PDE10A: variants seen among roughly 807,000 people sequenced by gnomAD.
PDE10A encodes the protein phosphodiesterase 10A.
In PDE10A, 39 loss-of-function variants were observed where a neutral mutation model predicts 97.7. The ratio of observed to expected loss-of-function variants is 0.40; its 90% confidence interval spans 0.31 to 0.52. The LOEUF (loss-of-function observed/expected upper bound fraction) is 0.52, where lower values mean the gene tolerates loss of function less well. Ranked by LOEUF, PDE10A falls within the 20% of genes least tolerant of loss-of-function variation. The pLI is 0.56. For missense variants in PDE10A, 731 were observed against 1,047.8 expected (o/e 0.70, Z 4.17); for synonymous variants, 371 against 376.8 (o/e 0.98, Z 0.18).
intron 2 of PDE10A, among the ~76,000 whole-genome samples, chr6:165,487,059 C>T (rs995473390): frequency 1.3e-5 from 2 of 152,204 alleles, no homozygotes; most frequent in African/African-American, 2.4e-5. Context: ...GGATCCGCGA[C>T]GCATTTGTGA....
At chr6:165,457,179 C>T (rs1157302725) in intron 3 of PDE10A, among the ~76,000 whole-genome samples, 1 of 152,094 alleles carries the variant, frequency 6.6e-6, no homozygotes, top group Non-Finnish European at 1.5e-5. Flanking sequence ...TGACTAATAA[C>T]AATTACAATA....
chr6:165,558,575 C>A (rs9365894), intron 1 of PDE10A, among the ~76,000 whole-genome samples: 18,270 of 152,096 alleles, frequency 0.12, 2,172 homozygotes, highest in East Asian at 0.33. Flanking sequence ...TTTCTTTGCT[C>A]GCAAATATAC....
intron 1 of PDE10A, among the ~76,000 whole-genome samples, chr6:165,595,091 C>T (rs1485166057): frequency 2.0e-5 from 3 of 152,176 alleles, no homozygotes; most frequent in Admixed American, 6.5e-5. Context: ...ACTGCAGGAG[C>T]CTGGCAATCC....
At chr6:165,891,533 G>T (rs532273201) in intron 1 of PDE10A, among the ~76,000 whole-genome samples, 1 of 152,176 alleles carries the variant, frequency 6.6e-6, no homozygotes, top group South Asian at 2.1e-4. Flanking sequence ...TGGGGCCCTT[G>T]TCCAGCCTGG....
chr6:165,739,128 G>T (rs1289008052), intron 1 of PDE10A, among the ~76,000 whole-genome samples: 3 of 152,034 alleles, frequency 2.0e-5, no homozygotes, highest in Admixed American at 2.0e-4. Context: ...CACAGAAATA[G>T]AACAAAAAAT....
At chr6:165,428,012 A>T (rs1201648539) in intron 10 of PDE10A, among the ~76,000 whole-genome samples, 1 of 152,164 alleles carries the variant, frequency 6.6e-6, no homozygotes, top group Non-Finnish European at 1.5e-5. Flanking sequence ...AAATAAAAAA[A>T]AAACTTATCA....
intron 13 of PDE10A, among the ~76,000 whole-genome samples, chr6:165,397,702 C>CAAAAAAAAAAAAAAAAA (rs71026686): frequency 1.1e-5 from 1 of 88,394 alleles, no homozygotes; most frequent in Admixed American, 1.3e-4. Flanking sequence ...AACTCCATCT[C>CAAAAAAAAAAAAAAAAA]AAAAAAAAAA....
chr6:165,814,188 T>A (rs1456250785), intron 1 of PDE10A, among the ~76,000 whole-genome samples: 1 of 152,320 alleles, frequency 6.6e-6, no homozygotes, highest in East Asian at 1.9e-4. Flanking sequence ...TATGGGACTG[T>A]GGACCTGCAG....
At chr6:165,675,129 A>G (rs767673906) in intron 1 of PDE10A, among the ~76,000 whole-genome samples, 3 of 152,248 alleles carry the variant, frequency 2.0e-5, no homozygotes, top group Admixed American at 6.5e-5. Context: ...GTCTATGCCT[A>G]TGCCTGTCCC....
At chr6:165,494,325 C>T (rs1780397538) in intron 2 of PDE10A, among the ~76,000 whole-genome samples, 1 of 151,726 alleles carries the variant, frequency 6.6e-6, no homozygotes, top group Non-Finnish European at 1.5e-5. Context: ...TGGGTATTTA[C>T]CCAGAAGAAA....
chr6:165,665,573 A>G (rs1790478028), upstream of PDE10A, among the ~76,000 whole-genome samples: 1 of 152,218 alleles, frequency 6.6e-6, no homozygotes, highest in Non-Finnish European at 1.5e-5. Context: ...ACTTAAGCAT[A>G]CTGTCATTAT....
chr6:165,888,833 G>A (rs1052607330), intron 1 of PDE10A, among the ~76,000 whole-genome samples: 5 of 152,176 alleles, frequency 3.3e-5, no homozygotes, highest in African/African-American at 1.2e-4. Context: ...TTCACTAGTT[G>A]AGTATTTGAA....
intron 18 of PDE10A, among the ~76,000 whole-genome samples, chr6:165,362,323 G>A (rs1783474924): frequency 6.6e-6 from 1 of 151,870 alleles, no homozygotes; most frequent in Non-Finnish European, 1.5e-5. Context: ...GAGAGGGAGA[G>A]GGAGAAAAAG....
In PDE10A at chr6:165,818,930, T is replaced by C. The variant is rs74812781; in HGVS notation, c.-615+168599A>G. Among the ~76,000 whole-genome samples the C allele has an allele frequency of 2.4e-3, 369 of 152,352 alleles. 4 individuals carry two copies. In the East Asian group the frequency reaches 0.054, roughly 22 times the overall value. On this transcript the variant is annotated intron_variant, in intron 1 of 19. Transcript: ENST00000366882. ...ATTAATCTTAACTCTTTAGAAATGA[T>C]CAATTTCCTAATTTGTTTATTTATA...
At position 165,328,565 on chromosome 6, in the gene PDE10A, C is replaced by G. The variant is rs760855163; in HGVS notation, c.*4460G>C. 6.6e-6 allele frequency: 1 copy of G among 152,234 alleles called. No homozygotes were observed. Among genetic ancestry groups the G allele is most frequent in the Admixed American group, 6.5e-5 (1 of 15,280 alleles). The allele number at this position is 152,234 out of a possible 1,614,324, so 9.4% of individuals were successfully genotyped here. On this transcript the variant is annotated 3_prime_UTR_variant, in exon 22 of 22. Transcript: ENST00000539869. ...TGTGCCATTGATTAGTTTTCTCCCACTTGCAGGAAAGAGCACGTAGGCTCT... is the reference window on the plus strand; with the variant it reads ...TGTGCCATTGATTAGTTTTCTCCCAGTTGCAGGAAAGAGCACGTAGGCTCT...
chr6:165,861,408 G>T (rs1780901048), intron 1 of PDE10A, among the ~76,000 whole-genome samples: 1 of 150,720 alleles, frequency 6.6e-6, no homozygotes, highest in Non-Finnish European at 1.5e-5. Context: ...CGCTATGGAG[G>T]CAACAAAGTA....
intron 1 of PDE10A, among the ~76,000 whole-genome samples, chr6:165,691,075 TTCTC>T (rs376093908): frequency 9.9e-5 from 5 of 50,376 alleles, no homozygotes; most frequent in African/African-American, 2.3e-4. Flanking sequence ...CTCTCTCTCT[TTCTC>T]TCTCTCTCTC....
At chr6:165,459,321 C>A (rs148449026) in intron 3 of PDE10A, among the ~76,000 whole-genome samples, 1 of 152,222 alleles carries the variant, frequency 6.6e-6, no homozygotes, top group East Asian at 1.9e-4. Context: ...GCTTTTCACA[C>A]GTCCTAATGA....
intron 1 of PDE10A, among the ~76,000 whole-genome samples, chr6:165,722,200 T>A (rs1483411925): frequency 3.9e-5 from 6 of 152,240 alleles, no homozygotes; most frequent in Non-Finnish European, 8.8e-5. Context: ...TCCAGTGCTG[T>A]GAGATAAACC....
Sources: allele counts gnomAD v4.1 joint callset (sites outside exome capture counted in the v4.1 genomes callset), GRCh38; gene constraint gnomAD v4.1.1; transcripts MANE v1.5; gene names NCBI Gene and HGNC (gene_info 2026-07-23, HGNC 2026-07-21).